PDSS2: variants seen among roughly 807,000 people sequenced by gnomAD.
The protein encoded by PDSS2 is decaprenyl diphosphate synthase subunit 2.
In PDSS2, 31 loss-of-function variants were observed where a neutral mutation model predicts 44.5. The ratio of observed to expected loss-of-function variants is 0.70; its 90% CI spans 0.52 to 0.94. The LOEUF (loss-of-function observed/expected upper bound fraction) is 0.94, where lower values mean the gene tolerates loss of function less well. Among genes scored for constraint, PDSS2 ranks in the 40% least tolerant of loss-of-function variants. PDSS2 has a pLI of 0.00. For synonymous variants in PDSS2, 157 were observed against 180.3 expected (o/e 0.87, Z 1.03); for missense variants, 452 against 482.2 (o/e 0.94, Z 0.59).
chr6:107,373,765 C>T (rs1216795485), intron 1 of PDSS2, among the ~76,000 whole-genome samples: 2 of 152,196 alleles, frequency 1.3e-5, no homozygotes, highest in East Asian at 3.8e-4. Context: ...ACAGAAGCTA[C>T]GGTTCTGGCA....
intron 7 of PDSS2, among the ~76,000 whole-genome samples, chr6:107,175,615 A>G (rs1771760219): frequency 6.6e-6 from 1 of 152,218 alleles, no homozygotes; most frequent in African/African-American, 2.4e-5. Context: ...ATATTTATAG[A>G]GATTGCAGAA....
At chr6:107,275,096 C>T (rs1349280371) in intron 2 of PDSS2, among the ~76,000 whole-genome samples, 1 of 152,066 alleles carries the variant, frequency 6.6e-6, no homozygotes, top group Non-Finnish European at 1.5e-5. Context: ...CCTATAGTAG[C>T]AAATAATATA....
chr6:107,205,201 C>A (rs2114594621), intron 6 of PDSS2, among the ~76,000 whole-genome samples: 1 of 152,298 alleles, frequency 6.6e-6, no homozygotes, highest in African/African-American at 2.4e-5. Flanking sequence ...TATCTAGGGA[C>A]AAGCGAGTTA....
At chr6:107,241,886 C>A (rs1049209228) in intron 4 of PDSS2, among the ~76,000 whole-genome samples, 1 of 152,154 alleles carries the variant, frequency 6.6e-6, no homozygotes, top group African/African-American at 2.4e-5. Context: ...CAAAAAAATT[C>A]TTTTGTGTAC....
chr6:107,296,688 T>C (rs576722096), intron 2 of PDSS2, among the ~76,000 whole-genome samples: 12 of 152,040 alleles, frequency 7.9e-5, no homozygotes, highest in Admixed American at 5.2e-4. Flanking sequence ...GATTGTGCCA[T>C]TGCACTCCAG....
intron 7 of PDSS2, among the ~76,000 whole-genome samples, chr6:107,187,433 G>A (rs1772207729): frequency 6.6e-6 from 1 of 152,158 alleles, no homozygotes; most frequent in South Asian, 2.1e-4. Context: ...GGGAGGCCGA[G>A]GTGGGCAGAT....
At position 107,209,807 on chromosome 6, in the gene PDSS2, C is replaced by T. The variant is rs145080064; in HGVS notation, c.1008+632G>A. 3.0e-3 allele frequency among the ~76,000 whole-genome samples: 464 copies of T among 152,174 alleles called. 2 individuals carry two copies. The highest frequency in any genetic ancestry group is 4.6e-3 in the Non-Finnish European group (312 of 68,004). On this transcript the variant is annotated intron_variant, in intron 6 of 7. Transcript: ENST00000369037. ...AGCCTCAGATTAACCCAACCAATTACAGCCACGAAGTTAAATAAATTCCAA... is the reference window on the plus strand; with the variant it reads ...AGCCTCAGATTAACCCAACCAATTATAGCCACGAAGTTAAATAAATTCCAA...
intron 1 of PDSS2, among the ~76,000 whole-genome samples, chr6:107,406,771 A>T (rs998452964): frequency 1.3e-5 from 2 of 152,244 alleles, no homozygotes; most frequent in Admixed American, 1.3e-4. Flanking sequence ...ACCATAAGTG[A>T]GATAGAACCA....
At chr6:107,158,695 G>C (rs1320360478) in intron 7 of PDSS2, among the ~76,000 whole-genome samples, 1 of 151,816 alleles carries the variant, frequency 6.6e-6, no homozygotes, top group Non-Finnish European at 1.5e-5. Flanking sequence ...TCCTATCCTA[G>C]CTTTATAATC....
Position 107,459,209 on chromosome 6 carries a change from G to A in PDSS2, c.77C>T (p.Ser26Phe), listed in dbSNP as rs556257343. The A allele has an allele frequency of 1.2e-6, 2 of 1,614,086 alleles. No homozygotes were observed. Among genetic ancestry groups the A allele is most frequent in the African/African-American group, 2.7e-5 (2 of 75,058 alleles). ...ASGSPRRLWW[S>F]PSLDTISSVG... Reference sequence around the variant, plus strand: ...CGAGGAGATGGTGTCGAGGGACGGGGACCACCACAGGCGACGCGGGGAACC... The same window carrying A: ...CGAGGAGATGGTGTCGAGGGACGGGAACCACCACAGGCGACGCGGGGAACC... Residue 26 changes from serine to phenylalanine, a missense_variant, in exon 1 of 8, where the codon TCC (serine) becomes TTC (phenylalanine). Transcript: ENST00000369037. This position sits in a 1 kb window ranked among gnomAD's most constrained non-coding sequence, Gnocchi z 4.3.
chr6:107,426,389 C>T (rs1781005019), intron 1 of PDSS2, among the ~76,000 whole-genome samples: 1 of 152,236 alleles, frequency 6.6e-6, no homozygotes, highest in African/African-American at 2.4e-5. Flanking sequence ...TGCCTGGATG[C>T]CTAGGCAGAA....
At chr6:107,223,567 T>C (rs1773689347) in intron 4 of PDSS2, among the ~76,000 whole-genome samples, 1 of 150,414 alleles carries the variant, frequency 6.6e-6, no homozygotes, top group African/African-American at 2.5e-5. Context: ...CAAAAACTAG[T>C]TGGGCATGAT....
At chr6:107,318,124 G>T (rs1481829084) in intron 2 of PDSS2, among the ~76,000 whole-genome samples, 2 of 152,056 alleles carry the variant, frequency 1.3e-5, no homozygotes, top group Non-Finnish European at 2.9e-5. Context: ...AAAGTGCCTG[G>T]TAAAGACGCT....
intron 7 of PDSS2, among the ~76,000 whole-genome samples, chr6:107,174,617 C>A (rs958643580): frequency 3.3e-5 from 5 of 152,096 alleles, no homozygotes; most frequent in Admixed American, 3.3e-4. Context: ...TTTTCTAATA[C>A]AATAAACTGT....
chr6:107,221,604 A>T (rs776836313), intron 4 of PDSS2, among the ~76,000 whole-genome samples: 39 of 152,126 alleles, frequency 2.6e-4, no homozygotes, highest in Non-Finnish European at 5.3e-4. Context: ...GCTGGTTCAA[A>T]TAACATGGGA....
intron 1 of PDSS2, among the ~76,000 whole-genome samples, chr6:107,449,243 T>C (rs1781787741): frequency 6.6e-6 from 1 of 152,248 alleles, no homozygotes. Context: ...AAATGTTATA[T>C]AAATGGAATC....
intron 7 of PDSS2, among the ~76,000 whole-genome samples, chr6:107,189,225 T>G (rs966080777): frequency 1.3e-5 from 2 of 152,210 alleles, no homozygotes; most frequent in Admixed American, 1.3e-4. Context: ...TTTTTGTATT[T>G]TTTTTAGAGA....
intron 2 of PDSS2, among the ~76,000 whole-genome samples, chr6:107,329,862 G>A (rs1777657224): frequency 6.6e-6 from 1 of 152,002 alleles, no homozygotes; most frequent in Non-Finnish European, 1.5e-5. Context: ...GAAGCAGGGT[G>A]CAGTGGCGGG....
chr6:107,253,450 A>G (rs373157468), intron 3 of PDSS2, among the ~76,000 whole-genome samples: 87 of 152,352 alleles, frequency 5.7e-4, no homozygotes, highest in African/African-American at 1.9e-3. Context: ...TTTAAAGGAT[A>G]CATTGTCTAG....
Sources: gnomAD v4.1 joint callset for allele counts (sites outside exome capture counted in the v4.1 genomes callset) on GRCh38, gnomAD v4.1.1 for gene constraint, Gnocchi (gnomAD v3.1) non-coding constraint, MANE v1.5 for transcripts, NCBI Gene and HGNC (gene_info 2026-07-23, HGNC 2026-07-21) for gene names.